Variants in ADAM33 observed in about 807,000 individuals in gnomAD.
The protein encoded by ADAM33 is disintegrin and metalloproteinase domain-containing protein 33.
A neutral mutation model predicts 106.2 loss-of-function variants in ADAM33; 103 were observed. The observed-to-expected ratio is 0.97, with a 90% CI of 0.83 to 1.14. The LOEUF is 1.14. ADAM33 is among the 50% of genes most tolerant of loss of function. ADAM33 has a pLI of 0.00. For synonymous variants in ADAM33, 483 were observed against 453.0 expected (o/e 1.07, Z -0.84); for missense variants, 1,120 against 1,096.6 (o/e 1.02, Z -0.30).
In ADAM33 at chr20:3,674,295, G is replaced by A. The variant is rs1208884433; in HGVS notation, c.601-11C>T. ...CGCTTCTCGCCTGCCCTGCGGAGGT[G>A]CAAATGGGGACCCTGAGTGGAAGCT... On this transcript the variant is annotated splice_polypyrimidine_tract_variant and intron_variant, in intron 6 of 21. Transcript: ENST00000356518. The A allele has an allele frequency of 1.2e-6, 2 of 1,613,620 alleles. No homozygotes were observed. Among genetic ancestry groups the A allele is most frequent in the South Asian group, 2.2e-5 (2 of 91,090 alleles).
intron 6 of ADAM33, 36 bp downstream of exon 6, chr20:3,674,468 C>A: frequency 6.2e-7 from 1 of 1,609,382 alleles, no homozygotes; most frequent in South Asian, 1.1e-5. Flanking sequence ...GCTATAGATA[C>A]AGCATTCCCA....
In ADAM33 at chr20:3,674,612, G is replaced by T. The variant is rs753262884; in HGVS notation, c.492C>A (p.His164Gln). 6.2e-7 allele frequency: 1 copy of T among 1,613,056 alleles called. No homozygotes were observed. Among genetic ancestry groups the T allele is most frequent in the Non-Finnish European group, 8.5e-7 (1 of 1,179,728 alleles). ...PPRGSKDFST[H>Q]EIFRMEQLLT... is the part of the protein sequence containing the mutation. ...GCAGCTGCTCCATCCGAAAGATCTC[G>T]TGGGTTGAGAAGTCCTTGGAGCCCC... Residue 164 changes from histidine to glutamine, a missense_variant, in exon 6 of 22, where the codon CAC becomes CAA. Transcript: ENST00000356518.
intron 1 of ADAM33, among the ~76,000 whole-genome samples, chr20:3,681,403 G>T (rs1020704559): frequency 2.0e-5 from 3 of 152,168 alleles, no homozygotes; most frequent in Non-Finnish European, 4.4e-5. Context: ...AGGGACGAGG[G>T]GTGAGCAGGG....
chr20:3,671,859 C>T lies in ADAM33; in HGVS notation c.1706+18G>A. 6.4e-7 allele frequency: 1 copy of T among 1,551,774 alleles called. No individual in the cohort carries two copies. Among genetic ancestry groups the T allele is most frequent in the Non-Finnish European group, 8.7e-7 (1 of 1,147,088 alleles). On this transcript the variant is annotated intron_variant, in intron 15 of 21. Transcript: ENST00000356518. Reference sequence around the variant, plus strand: ...CACTCCATAGCTTCTGCTCCCTCCACTCAGCTCCACTCCCTACCTCCCTGC... The same window carrying T: ...CACTCCATAGCTTCTGCTCCCTCCATTCAGCTCCACTCCCTACCTCCCTGC...
chr20:3,669,888 C>A, intron 19 of ADAM33: 1 of 388,058 alleles, frequency 2.6e-6, no homozygotes, highest in East Asian at 3.5e-5. Flanking sequence ...TTCCTCCAGG[C>A]TCTGACAGCA....
At chr20:3,677,835 C>T (rs1277780569) in intron 2 of ADAM33, among the ~76,000 whole-genome samples, 1 of 152,226 alleles carries the variant, frequency 6.6e-6, no homozygotes, top group Admixed American at 6.5e-5. Flanking sequence ...ACCCTCTTGG[C>T]GTCTCCCACC....
rs777480732 is a variant in ADAM33, at chr20:3,674,032, C to G, written c.738+32G>C. 3.1e-6 allele frequency: 5 copies of G among 1,613,460 alleles called. No individual in the cohort carries two copies. The East Asian group carries it at 1.1e-4, about 36-fold the overall frequency. ...ACCTGCCTGTCCTGCCGCCGCCACC[C>G]CCATCACCGCTCTCTCCCCGCCGCC... is the stretch of plus-strand genomic sequence containing the variant. On this transcript the variant is annotated intron_variant, in intron 8 of 21. Transcript: ENST00000356518.
intron 3 of ADAM33, among the ~76,000 whole-genome samples, chr20:3,676,799 C>T (rs1163828592): frequency 1.3e-5 from 2 of 152,168 alleles, no homozygotes; most frequent in Non-Finnish European, 2.9e-5. Context: ...TTGCAAATGT[C>T]CACTAGGTGG....
Position 3,673,858 on chromosome 20 carries a change from G to A in ADAM33, c.792C>T (p.Thr264=), listed in dbSNP as rs756637164. Residue 264 remains threonine (T), a synonymous_variant, in exon 9 of 22, where the codon ACC becomes ACT. Transcript: ENST00000356518. ...QVALTGLEVW[T]ERDRSRVTQD... is the part of the protein sequence containing the mutation. ...GCGTGACGCGGCTGCGGTCCCGCTC[G>A]GTCCACACCTCCAGGCCGGTCAGCG... is the stretch of plus-strand genomic sequence containing the variant. 5.7e-6 allele frequency: 9 copies of A among 1,568,374 alleles called. No homozygotes were observed. Among genetic ancestry groups the A allele is most frequent in the South Asian group, 3.4e-5 (3 of 86,974 alleles).
chr20:3,671,419 C>T lies in ADAM33; in HGVS notation c.1983G>A (p.Gly661=). 1 of 1,612,644 alleles carries T rather than the reference C, an allele frequency of 6.2e-7. No individual in the cohort carries two copies. Among genetic ancestry groups the T allele is most frequent in the Non-Finnish European group, 8.5e-7 (1 of 1,179,180 alleles). ...TCACCCCCACTCCTCGGGCTCTCAC[C>T]CCGTGGCTGTGGCAGGCAGTCAGGC... ...QRCLTACHSH[G]VCNSNHNCHC... The change falls in exon 17 of 22, where the codon GGG becomes GGA. Residue 661 remains glycine (G), a splice_region_variant and synonymous_variant. Transcript: ENST00000356518.
intron 4 of ADAM33, 75 bp from the exon 5 acceptor site, chr20:3,674,924 G>T: frequency 6.2e-7 from 1 of 1,608,238 alleles, no homozygotes; most frequent in Non-Finnish European, 8.5e-7. Flanking sequence ...GTGTGGTAGG[G>T]GCTGGCTCCA....
chr20:3,673,115 G>C, intron 11 of ADAM33: 1 of 1,458,040 alleles, frequency 6.9e-7, no homozygotes, highest in East Asian at 2.5e-5. Flanking sequence ...ACCCGACGGT[G>C]CTCCTCCCGG....
chr20:3,676,253 A>G (rs1294886878), intron 3 of ADAM33, among the ~76,000 whole-genome samples: 1 of 148,156 alleles, frequency 6.7e-6, no homozygotes, highest in East Asian at 2.1e-4. Context: ...TGGATGGTCC[A>G]GGACACTGAG....
At chr20:3,679,919 C>G (rs1246628252) in intron 1 of ADAM33, among the ~76,000 whole-genome samples, 1 of 152,158 alleles carries the variant, frequency 6.6e-6, no homozygotes, top group Non-Finnish European at 1.5e-5. Flanking sequence ...AGCGCGGCAG[C>G]CTTAGGGATT....
rs2087374178 is a variant in ADAM33, at chr20:3,669,282, T to G, written c.2404+17A>C. The G allele has an allele frequency of 7.0e-6, 11 of 1,572,948 alleles. No individual in the cohort carries two copies. Among genetic ancestry groups the G allele is most frequent in the Non-Finnish European group, 8.6e-6 (10 of 1,166,264 alleles). On this transcript the variant is annotated intron_variant, in intron 21 of 21. Coordinates refer to ENST00000356518, the MANE Select transcript of ADAM33 (RefSeq NM_025220.5). ...GGCGATGAGAGGGGGAGGCTTTGAA[T>G]CCAGGTCCCTGCCTACCTTGGGGGT...
chr20:3,668,661 A>C lies in ADAM33; in HGVS notation c.*302T>G. On this transcript the variant is annotated 3_prime_UTR_variant, in exon 22 of 22. Coordinates refer to ENST00000356518, the MANE Select transcript of ADAM33 (RefSeq NM_025220.5). Reference sequence around the variant, plus strand: ...AGGACAGAGCCCTTTTGGGATGGCCAGCACTACCCAGCCTCCACTGGTGAG... The same window carrying C: ...AGGACAGAGCCCTTTTGGGATGGCCCGCACTACCCAGCCTCCACTGGTGAG... 3 of 438,970 alleles carry C rather than the reference A, an allele frequency of 6.8e-6. No homozygotes were observed. The highest frequency in any genetic ancestry group is 1.3e-5 in the Non-Finnish European group (3 of 236,374). The allele number at this position is 438,970 out of a possible 1,614,324, so 27.2% of individuals were successfully genotyped here.
rs374106739 is a variant in ADAM33, at chr20:3,672,826, G to A, written c.1206C>T (p.Gly402=). 4.3e-5 allele frequency: 68 copies of A among 1,574,978 alleles called. No homozygotes were observed. The highest frequency in any genetic ancestry group is 5.6e-5 in the Non-Finnish European group (65 of 1,166,384). Reference sequence around the variant, plus strand: ...GGTCCGGGGCATTGGAGAGGCAAGCGCCGCCCCCCTTGCGGAAGAAGGCGC... The same window carrying A: ...GGTCCGGGGCATTGGAGAGGCAAGCACCGCCCCCCTTGCGGAAGAAGGCGC... The part of the protein sequence containing the change: ...QLRAFFRKGG[G]ACLSNAPDPG... Residue 402 remains glycine, a synonymous_variant, in exon 12 of 22, where the codon GGC becomes GGT. Transcript: ENST00000356518.
rs551532679 is a variant in ADAM33 at position 3,672,805 on chromosome 20, C to A, written c.1227G>T (p.Pro409=). ...CCGGCGGCACCGGGAGTCCGGGGTC[C>A]GGGGCATTGGAGAGGCAAGCGCCGC... The part of the protein sequence containing the change: ...KGGGACLSNA[P]DPGLPVPPAL... The change falls in exon 12 of 22, where the codon CCG becomes CCT. Residue 409 remains proline, a synonymous_variant. Transcript: ENST00000356518. 26 of 1,577,348 alleles carry A rather than the reference C, an allele frequency of 1.6e-5. No homozygotes were observed. In the East Asian group the frequency reaches 5.7e-4, roughly 34 times the overall value.
intron 1 of ADAM33, among the ~76,000 whole-genome samples, chr20:3,679,847 AGGCTTG>A (rs544871554): frequency 7.2e-4 from 109 of 152,272 alleles, no homozygotes; most frequent in Admixed American, 2.5e-3. Flanking sequence ...GTCGGGGGGC[AGGCTTG>A]GGCTCGGCGA....
Sources: gnomAD v4.1 joint callset for allele counts (sites outside exome capture counted in the v4.1 genomes callset) on GRCh38, gnomAD v4.1.1 for gene constraint, MANE v1.5 for transcripts, NCBI Gene and HGNC (gene_info 2026-07-23, HGNC 2026-07-21) for gene names.